The following UNC13C variants were observed in gnomAD, a reference collection of about 807,000 sequenced individuals.
The protein encoded by UNC13C is protein unc-13 homolog C.
A neutral mutation model predicts 245.4 loss-of-function variants in UNC13C; 174 were observed. The ratio of observed to expected loss-of-function variants is 0.71; its 90% CI spans 0.63 to 0.80. The LOEUF (loss-of-function observed/expected upper bound fraction) is 0.80. Among genes scored for constraint, UNC13C ranks in the 30% least tolerant of loss-of-function variants. The pLI, the probability that UNC13C is intolerant of heterozygous loss-of-function variation, is 0.00. For missense variants in UNC13C, 2,829 were observed against 2,602.9 expected, an observed-to-expected ratio of 1.09 and a Z score of -1.89; for synonymous variants, 992 against 895.1, an observed-to-expected ratio of 1.11 and a Z score of -1.93.
Position 54,576,801 on chromosome 15 carries a change from C to T in UNC13C, c.6106+8854C>T, listed in dbSNP as rs149572513. 3.2e-3 allele frequency among the ~76,000 whole-genome samples: 488 copies of T among 152,260 alleles called. 1 individual carries two copies. The highest frequency in any genetic ancestry group is 0.011 in the African/African-American group (471 of 41,538). ...TCATTTTGTGATTGATAATTGGCAA[C>T]CCTCTCTTCTTACAATGTAAGCCCT... On this transcript the variant is annotated intron_variant, in intron 30 of 32. Transcript: ENST00000260323.
At chr15:53,986,900 G>C (rs1894167351) in intron 1 of UNC13C, among the ~76,000 whole-genome samples, 1 of 152,012 alleles carries the variant, frequency 6.6e-6, no homozygotes, top group Non-Finnish European at 1.5e-5. Flanking sequence ...GAAATGGAAA[G>C]ACACTCTGAG....
intron 19 of UNC13C, among the ~76,000 whole-genome samples, chr15:54,428,843 G>A (rs6493681): frequency 0.76 from 115,238 of 151,428 alleles, 44,010 homozygotes; most frequent in East Asian, 0.81. Context: ...TGCTTGTACT[G>A]TCCCATGGTG....
chr15:54,002,562 T>A (rs774309796), intron 1 of UNC13C, among the ~76,000 whole-genome samples: 1 of 152,158 alleles, frequency 6.6e-6, no homozygotes, highest in South Asian at 2.1e-4. Context: ...TGGTAATGTG[T>A]CAAACGTGGT....
chr15:54,452,119 G>A (rs2899543), intron 19 of UNC13C, among the ~76,000 whole-genome samples: 58,336 of 151,760 alleles, frequency 0.38, 11,455 homozygotes, highest in East Asian at 0.62. Context: ...TAGGATGGAG[G>A]CATCACCTGG....
At chr15:53,883,936 G>A in the UNC13C span, among the ~76,000 whole-genome samples, 1 of 152,024 alleles carries the variant, frequency 6.6e-6, no homozygotes, top group Non-Finnish European at 1.5e-5. Flanking sequence ...CATAATTCAG[G>A]GCTAAAATTC....
At chr15:54,028,808 A>G (rs1896234614) in intron 2 of UNC13C, among the ~76,000 whole-genome samples, 1 of 146,508 alleles carries the variant, frequency 6.8e-6, no homozygotes, top group Non-Finnish European at 1.5e-5. Context: ...CTCCTGCCTC[A>G]GCCTCCCGAG....
chr15:54,254,694 G>A (rs931966976), intron 8 of UNC13C, among the ~76,000 whole-genome samples: 8 of 152,194 alleles, frequency 5.3e-5, no homozygotes, highest in Admixed American at 1.3e-4. Flanking sequence ...AGCGAATAGC[G>A]TAAGCAGGAT....
intron 10 of UNC13C, among the ~76,000 whole-genome samples, chr15:54,287,468 TC>T (rs1282387942): frequency 6.6e-6 from 1 of 152,226 alleles, no homozygotes; most frequent in Admixed American, 6.5e-5. Context: ...TGCATTAATC[TC>T]ACATTAAGCC....
At chr15:54,152,833 T>C (rs1016689338) in intron 4 of UNC13C, among the ~76,000 whole-genome samples, 16 of 151,996 alleles carry the variant, frequency 1.1e-4, no homozygotes, top group African/African-American at 3.9e-4. Context: ...TGGGCACATC[T>C]AATATATATA....
intron 4 of UNC13C, among the ~76,000 whole-genome samples, chr15:54,185,934 C>A (rs2033965983): frequency 6.6e-6 from 1 of 151,954 alleles, no homozygotes; most frequent in East Asian, 1.9e-4. Flanking sequence ...TTTGTATCCT[C>A]TTTTATCTCA....
intron 14 of UNC13C, among the ~76,000 whole-genome samples, chr15:54,331,036 G>C (rs2140993490): frequency 6.6e-6 from 1 of 152,076 alleles, no homozygotes; most frequent in African/African-American, 2.4e-5. Context: ...TTAATATTCA[G>C]CTCACTCCAT....
intron 13 of UNC13C, among the ~76,000 whole-genome samples, chr15:54,303,658 C>T (rs1210205439): frequency 1.4e-5 from 2 of 144,726 alleles, no homozygotes; most frequent in African/African-American, 2.6e-5. Flanking sequence ...ATTTAGAAAG[C>T]TTATTTTGCC....
intron 16 of UNC13C, among the ~76,000 whole-genome samples, chr15:54,335,169 G>A (rs1359997223): frequency 6.6e-6 from 1 of 151,990 alleles, no homozygotes; most frequent in Non-Finnish European, 1.5e-5. Flanking sequence ...CTTCTCTTGT[G>A]CACTAAAATA....
chr15:53,940,120 G>A, the UNC13C span, among the ~76,000 whole-genome samples: 3 of 152,108 alleles, frequency 2.0e-5, no homozygotes, highest in African/African-American at 7.2e-5. Context: ...GACCTGATAG[G>A]TAAAGTCTGT....
intron 10 of UNC13C, among the ~76,000 whole-genome samples, chr15:54,273,585 C>T (rs2036749965): frequency 6.6e-6 from 1 of 152,138 alleles, no homozygotes; most frequent in South Asian, 2.1e-4. Context: ...ATTGGTCTAT[C>T]AATGATTGGA....
At chr15:53,979,133 T>TA (rs746461462) in intron 1 of UNC13C, among the ~76,000 whole-genome samples, 10 of 125,034 alleles carry the variant, frequency 8.0e-5, no homozygotes, top group African/African-American at 2.3e-4. Flanking sequence ...GTCATTGCTT[T>TA]TAAAAAAAGA....
At chr15:54,321,716 A>G (rs962423761) in intron 13 of UNC13C, among the ~76,000 whole-genome samples, 11 of 152,026 alleles carry the variant, frequency 7.2e-5, no homozygotes, top group African/African-American at 2.7e-4. Context: ...GGCAGCGTCC[A>G]TGGGCAAAAA....
intron 2 of UNC13C, among the ~76,000 whole-genome samples, chr15:54,113,204 G>A (rs2029948191): frequency 6.6e-6 from 1 of 151,998 alleles, no homozygotes; most frequent in African/African-American, 2.4e-5. Context: ...TGTTGGTTAA[G>A]CAAAAGAGAG....
Position 53,986,232 on chromosome 15 carries a change from A to G in UNC13C, c.-257+7305A>G, listed in dbSNP as rs541394738. ...AAAGGTCTGAGCAAAATATGTCTTG[A>G]AGTCCTTGTTTGAACTTGAAATGGG... On this transcript the variant is annotated intron_variant, in intron 1 of 32. Transcript: ENST00000260323. Among the ~76,000 whole-genome samples, 468 of 152,208 alleles carry G rather than the reference A, an allele frequency of 3.1e-3. 4 individuals carry two copies. The highest frequency in any genetic ancestry group is 0.011 in the African/African-American group (453 of 41,560).
Sources: allele counts gnomAD v4.1 joint callset (sites outside exome capture counted in the v4.1 genomes callset), GRCh38; gene constraint gnomAD v4.1.1; transcripts MANE v1.5; gene names NCBI Gene and HGNC (gene_info 2026-07-23, HGNC 2026-07-21).